HSD17B10: variants seen among roughly 807,000 people sequenced by gnomAD.
HSD17B10 encodes the protein 3-hydroxyacyl-CoA dehydrogenase type-2.
For synonymous variants in HSD17B10, 90 were observed against 85.9 expected (o/e 1.05, Z -0.26); for missense variants, 87 against 219.4 (o/e 0.40, Z 3.81).
intron 2 of HSD17B10, 132 bp downstream of exon 2, chrX:53,433,590 G>C: frequency 1.6e-6 from 1 of 611,026 alleles, no homozygotes; most frequent in Admixed American, 2.7e-5. Context: ...GAAGGCTCAG[G>C]CCAAAAGAGA....
At chrX:53,433,502 GT>G (rs1474989048) in intron 2 of HSD17B10, among the ~76,000 whole-genome samples, 1 of 112,676 alleles carries the variant, frequency 8.9e-6, no homozygotes, top group African/African-American at 3.2e-5. Context: ...CCAGGAGATT[GT>G]TACGTCCAAT....
At position 53,431,354 on chromosome X, in the gene HSD17B10, C is replaced by A. The variant is rs782576216; in HGVS notation, c.*50G>T. ...TTCCTCCCAAGCTGGAGAGTAGTAC[C>A]CCAGGGAAAGGAAGGGCAGAGGAGC... On this transcript the variant is annotated 3_prime_UTR_variant, in exon 6 of 6. Transcript: ENST00000168216. 8.9e-7 allele frequency: 1 copy of A among 1,122,894 alleles called. No homozygotes were observed. Among genetic ancestry groups the A allele is most frequent in the East Asian group, 3.0e-5 (1 of 33,298 alleles). 92.5% of individuals were successfully genotyped at this position (1,122,894 alleles called of 1,213,427 possible). A position where few individuals can be genotyped will look rare whatever the true frequency, so the allele number is the denominator to read the frequency against.
chrX:53,431,991 A>T lies in HSD17B10; in HGVS notation c.483T>A (p.Gly161=), dbSNP rs1556894590. 1 of 1,211,170 alleles carries T rather than the reference A, an allele frequency of 8.3e-7. No individual in the cohort carries two copies. The highest frequency in any genetic ancestry group is 3.0e-5 in the East Asian group (1 of 33,815). ...INTASVAAFE[G]QVGQAAYSAS... is the part of the protein sequence containing the mutation. The stretch of plus-strand genomic sequence containing the variant: ...AGTCTTACCCCTGCCCACACACCTG[A>T]CCCTCGAAGGCAGCCACACTGGCAG... The change falls in exon 4 of 6, where the codon GGT becomes GGA. Residue 161 remains glycine (G), a synonymous_variant. Transcript: ENST00000168216.
Position 53,431,534 on chromosome X carries a change from C to T in HSD17B10, c.656G>A (p.Ser219Asn). The change falls in exon 6 of 6, where the codon AGC (serine) becomes AAC (asparagine). Residue 219 changes from serine (S) to asparagine (N), a missense_variant. Coordinates refer to ENST00000168216, the MANE Select transcript of HSD17B10 (RefSeq NM_004493.3). ...LPEKVCNFLA[S>N]QVPFPSRLGD... ...CAGTCGGCTAGGGAAGGGCACTTGG[C>T]TGGCCAAGAAGTTGCACACTTTCTC... 8.3e-7 allele frequency: 1 copy of T among 1,210,632 alleles called. No homozygotes were observed. The highest frequency in any genetic ancestry group is 1.1e-6 in the Non-Finnish European group (1 of 894,719).
At chrX:53,433,631 G>A in intron 2 of HSD17B10, 91 bp downstream of exon 2, 1 of 886,319 alleles carries the variant, frequency 1.1e-6, no homozygotes, top group Non-Finnish European at 1.6e-6. Context: ...CCCCATAGAG[G>A]AGACCCTTAT....
In HSD17B10 at chrX:53,432,352, A is replaced by G. The variant is rs1556894667; in HGVS notation, c.252T>C (p.Arg84=). ...ALALAKGKFG[R]VDVAVNCAGI... ...CTGCACAGTTGACAGCTACATCCACACGGCCAAACTTTCCTTTTGCTAGAG... is the reference window on the plus strand; with the variant it reads ...CTGCACAGTTGACAGCTACATCCACGCGGCCAAACTTTCCTTTTGCTAGAG... The change falls in exon 3 of 6, where the codon CGT becomes CGC. Residue 84 remains arginine, a synonymous_variant. Coordinates refer to ENST00000168216, the MANE Select transcript of HSD17B10 (RefSeq NM_004493.3). 1.7e-6 allele frequency: 2 copies of G among 1,210,063 alleles called. No homozygotes were observed. The highest frequency in any genetic ancestry group is 3.0e-5 in the East Asian group (1 of 33,837).
intron 1 of HSD17B10, 73 bp downstream of exon 1, chrX:53,434,244 CTT>C (rs1420315104): frequency 9.1e-7 from 1 of 1,093,316 alleles, no homozygotes; most frequent in African/African-American, 1.8e-5. Flanking sequence ...AAACCGATCT[CTT>C]TCTCCTAGTT....
chrX:53,434,043 T>C (rs1421615849), intron 1 of HSD17B10, 157 bp from the exon 2 acceptor site: 4 of 641,291 alleles, frequency 6.2e-6, no homozygotes, highest in African/African-American at 2.2e-5. Flanking sequence ...CTCCTCAGCG[T>C]TGGGACCTCG....
At chrX:53,433,640 A>G in intron 2 of HSD17B10, 82 bp downstream of exon 2, 1 of 976,372 alleles carries the variant, frequency 1.0e-6, no homozygotes, top group Non-Finnish European at 1.4e-6. Flanking sequence ...GGAGACCCTT[A>G]TGGGAGGGAC....
chrX:53,431,841 C>G lies in HSD17B10; in HGVS notation c.552G>C (p.Arg184=). 3 of 1,210,979 alleles carry G rather than the reference C, an allele frequency of 2.5e-6. No individual in the cohort carries two copies. The highest frequency in any genetic ancestry group is 3.4e-6 in the Non-Finnish European group (3 of 895,040). The change falls in exon 5 of 6, where the codon CGG becomes CGC. Residue 184 remains arginine (R), a synonymous_variant. Transcript: ENST00000168216. The stretch of plus-strand genomic sequence containing the variant: ...CCCGGATACCTATGGGAGCCAGATC[C>G]CGAGCAATGGGCAGTGTCATGCCCA... ...GIVGMTLPIA[R]DLAPIGIRVM...
In HSD17B10 at chrX:53,431,717, A is replaced by C. The variant is rs1602426487; in HGVS notation, c.595+81T>G. The stretch of plus-strand genomic sequence containing the variant: ...CAAAGATAAAAGGCTGCTGCTGCTT[A>C]GGTGGTGGATACCTTCCCCTCTCAA... On this transcript the variant is annotated intron_variant, in intron 5 of 5. Coordinates refer to ENST00000168216, the MANE Select transcript of HSD17B10 (RefSeq NM_004493.3). 5 of 1,016,000 alleles carry C rather than the reference A, an allele frequency of 4.9e-6. No homozygotes were observed. In the East Asian group the frequency reaches 1.6e-4, roughly 32 times the overall value. 83.7% of individuals were successfully genotyped at this position (1,016,000 alleles called of 1,213,427 possible).
chrX:53,433,015 G>A (rs782241347), intron 2 of HSD17B10: 83 of 134,148 alleles, frequency 6.2e-4, no homozygotes, highest in South Asian at 4.7e-3. Flanking sequence ...GAGGCTGGGT[G>A]CAGTGGCTCA....
chrX:53,432,266 T>C lies in HSD17B10; in HGVS notation c.338A>G (p.Asp113Gly). 8.3e-7 allele frequency: 1 copy of C among 1,210,395 alleles called. No homozygotes were observed. The highest frequency in any genetic ancestry group is 2.2e-5 in the Admixed American group (1 of 45,879). The change falls in exon 3 of 6, where the codon GAC (aspartate) becomes GGC (glycine). Residue 113 changes from aspartate (D) to glycine (G), a missense_variant. Transcript: ENST00000168216. ...LKKGQTHTLE[D>G]FQRVLDVNLM... is the part of the protein sequence containing the mutation. The stretch of plus-strand genomic sequence containing the variant: ...CCTTACATCAAGAACTCGCTGGAAG[T>C]CTTCCAAGGTATGGGTCTGGCCCTT...
intron 1 of HSD17B10, 168 bp downstream of exon 1, chrX:53,434,149 CAG>C (rs1335717446): frequency 6.9e-6 from 4 of 582,234 alleles, no homozygotes; most frequent in Admixed American, 2.7e-5. Context: ...GACAGACAGA[CAG>C]ATGCGCCGCG....
chrX:53,434,099 AGATAGATAGATGATT>A (rs1215466767), intron 1 of HSD17B10: 3 of 550,684 alleles, frequency 5.4e-6, no homozygotes, highest in African/African-American at 4.5e-5. Context: ...CCGTGACGAT[AGATAGATAGATGATT>A]GATAGATAGA....
rs781839633 is a variant in HSD17B10, at chrX:53,434,335, G to A, written c.11C>T (p.Ala4Val). The A allele has an allele frequency of 8.6e-6, 10 of 1,167,032 alleles. No homozygotes were observed. Among genetic ancestry groups the A allele is most frequent in the African/African-American group, 1.8e-5 (1 of 55,922 alleles). Residue 4 changes from alanine to valine, a missense_variant, in exon 1 of 6, where the codon GCG becomes GTG. By Grantham distance (64) the Ala-to-Val change is moderately conservative. Coordinates refer to ENST00000168216, the MANE Select transcript of HSD17B10 (RefSeq NM_004493.3). MAA[A>V]CRSVKGLVAV... The stretch of plus-strand genomic sequence containing the variant: ...ACCTTCTACCTTCACGCTCCGACAC[G>A]CTGCTGCCATCTTGTCGCCGGCCAC...
At chrX:53,434,099 A>G (rs1275793900) in intron 1 of HSD17B10, 1 of 550,684 alleles carries the variant, frequency 1.8e-6, no homozygotes, top group African/African-American at 2.3e-5. Context: ...CCGTGACGAT[A>G]GATAGATAGA....
At chrX:53,434,028 T>C in intron 1 of HSD17B10, 142 bp from the exon 2 acceptor site, 1 of 696,823 alleles carries the variant, frequency 1.4e-6, no homozygotes, top group African/African-American at 2.1e-5. Flanking sequence ...CTAGGTGTGC[T>C]GCTTCTCCTC....
intron 2 of HSD17B10, 45 bp from the exon 3 acceptor site, chrX:53,432,456 C>T: frequency 9.1e-7 from 1 of 1,099,006 alleles, no homozygotes; most frequent in African/African-American, 1.8e-5. Flanking sequence ...CCAGCACCCA[C>T]TCTTCCCACT....
Sources: gnomAD v4.1 joint callset for allele counts (sites outside exome capture counted in the v4.1 genomes callset) on GRCh38, gnomAD v4.1.1 for gene constraint, MANE v1.5 for transcripts, NCBI Gene and HGNC (gene_info 2026-07-23, HGNC 2026-07-21) for gene names.